The following SMAD6 variants were observed in gnomAD, a reference collection of about 807,000 sequenced individuals.
SMAD6 encodes MAD homolog 6.
In SMAD6, 103 loss-of-function variants were observed where a neutral mutation model predicts 39.4. The observed-to-expected ratio is 2.62, with a 90% CI of 2.23 to 3.08. SMAD6 has a LOEUF of 3.08. Ranked by LOEUF, SMAD6 falls within the 30% of genes most tolerant of loss-of-function variation. The pLI, the probability that SMAD6 is intolerant of heterozygous loss-of-function variation, is 0.00. For synonymous variants in SMAD6, 445 were observed against 353.3 expected (o/e 1.26, Z -2.91); for missense variants, 1,104 against 742.9 (o/e 1.49, Z -5.65).
intron 3 of SMAD6, among the ~76,000 whole-genome samples, chr15:66,717,709 A>T (rs1223466698): frequency 6.6e-6 from 1 of 152,160 alleles, no homozygotes; most frequent in Non-Finnish European, 1.5e-5. Context: ...GGAGGCTAGA[A>T]GCGGAAGCAG....
chr15:66,729,681 T>G (rs913005184), intron 3 of SMAD6, among the ~76,000 whole-genome samples: 1 of 152,224 alleles, frequency 6.6e-6, no homozygotes, highest in African/African-American at 2.4e-5. Flanking sequence ...AGGGATTTTC[T>G]TCCCTGGCCC....
At chr15:66,766,713 T>C (rs1049309860) in intron 3 of SMAD6, among the ~76,000 whole-genome samples, 1 of 152,074 alleles carries the variant, frequency 6.6e-6, no homozygotes, top group Non-Finnish European at 1.5e-5. Context: ...CACCCCCTCC[T>C]CTCACCTATC....
chr15:66,774,969 C>T (rs1894441496), intron 3 of SMAD6, among the ~76,000 whole-genome samples: 1 of 152,076 alleles, frequency 6.6e-6, no homozygotes, highest in Non-Finnish European at 1.5e-5. Flanking sequence ...TCTAGCGATT[C>T]TCTGCCTCAG....
intron 1 of SMAD6, chr15:66,707,785 C>G (rs3809571): frequency 0.24 from 36,246 of 152,152 alleles, 4,345 homozygotes; most frequent in Middle Eastern, 0.35. Flanking sequence ...GGCCCCCTCC[C>G]CATCCACAGC....
intron 3 of SMAD6, among the ~76,000 whole-genome samples, chr15:66,742,815 A>G (rs755450): frequency 0.53 from 80,821 of 151,934 alleles, 21,775 homozygotes; most frequent in East Asian, 0.73. Flanking sequence ...GCCTTTGCTT[A>G]GACTGCCCGC....
At chr15:66,764,701 G>C (rs992284324) in intron 3 of SMAD6, among the ~76,000 whole-genome samples, 4 of 152,042 alleles carry the variant, frequency 2.6e-5, no homozygotes, top group African/African-American at 9.7e-5. Context: ...TGACCAAAAG[G>C]ATACTAGGAT....
intron 3 of SMAD6, among the ~76,000 whole-genome samples, chr15:66,721,548 G>A (rs1302590424): frequency 3.3e-5 from 5 of 152,106 alleles, no homozygotes; most frequent in Admixed American, 6.5e-5. Context: ...GCCCTGAGTC[G>A]GCCATCTATT....
intron 3 of SMAD6, among the ~76,000 whole-genome samples, chr15:66,744,166 C>T (rs112596993): frequency 2.6e-4 from 39 of 152,300 alleles, no homozygotes; most frequent in African/African-American, 9.4e-4. Context: ...TCCTGTAACT[C>T]ACAACCCTTT....
intron 3 of SMAD6, among the ~76,000 whole-genome samples, chr15:66,746,209 A>G (rs1423661892): frequency 7.9e-5 from 12 of 152,208 alleles, no homozygotes; most frequent in African/African-American, 1.9e-4. Context: ...TGAAAGGGAC[A>G]TGGCAGCTGT....
At position 66,742,820 on chromosome 15, in the gene SMAD6, G is replaced by A. The variant is rs193293801; in HGVS notation, c.952+26322G>A. Reference sequence around the variant, plus strand: ...GGTGGACGTTGCCTTTGCTTAGACTGCCCGCTGCGCTCCCTGGCCTGAGGC... The same window carrying A: ...GGTGGACGTTGCCTTTGCTTAGACTACCCGCTGCGCTCCCTGGCCTGAGGC... On this transcript the variant is annotated intron_variant, in intron 3 of 3. Transcript: ENST00000288840. Among the ~76,000 whole-genome samples the A allele has an allele frequency of 8.9e-4, 136 of 152,232 alleles. 1 individual carries two copies. Among genetic ancestry groups the A allele is most frequent in the African/African-American group, 3.2e-3 (132 of 41,520 alleles).
chr15:66,776,477 G>C (rs1894470316), intron 3 of SMAD6, among the ~76,000 whole-genome samples: 1 of 152,216 alleles, frequency 6.6e-6, no homozygotes, highest in Admixed American at 6.5e-5. Context: ...GTTTATCGAT[G>C]GCCACATATC....
intron 3 of SMAD6, among the ~76,000 whole-genome samples, chr15:66,733,689 GA>G (rs1893668552): frequency 6.6e-6 from 1 of 152,170 alleles, no homozygotes; most frequent in African/African-American, 2.4e-5. Flanking sequence ...TTTTTCAGGG[GA>G]AGAGTTGTAA....
At chr15:66,708,675 C>T in intron 1 of SMAD6, 2 of 460,402 alleles carry the variant, frequency 4.3e-6, no homozygotes, top group Non-Finnish European at 9.2e-6. Flanking sequence ...AGAAGCCAGC[C>T]ACAAAAGGCC....
chr15:66,731,792 G>A (rs1893634913), intron 3 of SMAD6, among the ~76,000 whole-genome samples: 1 of 152,156 alleles, frequency 6.6e-6, no homozygotes, highest in Non-Finnish European at 1.5e-5. Context: ...CTTTACAACA[G>A]GCACTGCTTT....
chr15:66,706,380 C>G (rs1271466513), intron 1 of SMAD6: 2 of 152,358 alleles, frequency 1.3e-5, no homozygotes, highest in Admixed American at 6.5e-5. Flanking sequence ...TCTTTGCTAG[C>G]TGCTAGCCTG....
chr15:66,741,148 T>A (rs1009079561), intron 3 of SMAD6: 2 of 152,194 alleles, frequency 1.3e-5, no homozygotes, highest in Non-Finnish European at 2.9e-5. Context: ...AAAATCTCCA[T>A]CTTCTCTGGC....
intron 2 of SMAD6, among the ~76,000 whole-genome samples, chr15:66,716,212 T>C (rs568759156): frequency 1.2e-4 from 18 of 152,170 alleles, no homozygotes; most frequent in Non-Finnish European, 2.1e-4. Context: ...GTCAGCACTT[T>C]CCAGAAGAGT....
intron 3 of SMAD6, among the ~76,000 whole-genome samples, chr15:66,737,604 C>G (rs1595779416): frequency 6.6e-6 from 1 of 152,092 alleles, no homozygotes; most frequent in Non-Finnish European, 1.5e-5. Flanking sequence ...GGAGAGATCC[C>G]CCTTTCCCAC....
chr15:66,720,408 T>C (rs916455254), intron 3 of SMAD6, among the ~76,000 whole-genome samples: 1 of 152,030 alleles, frequency 6.6e-6, no homozygotes, highest in Non-Finnish European at 1.5e-5. Flanking sequence ...AAGCCCTGGG[T>C]GAGGGAAGGA....
Sources: gnomAD v4.1 joint callset for allele counts (sites outside exome capture counted in the v4.1 genomes callset) on GRCh38, gnomAD v4.1.1 for gene constraint, MANE v1.5 for transcripts, NCBI Gene and HGNC (gene_info 2026-07-23, HGNC 2026-07-21) for gene names.